TFAP2E: variants seen among roughly 807,000 people sequenced by gnomAD.
TFAP2E encodes transcription factor AP-2-epsilon.
In TFAP2E, 30 loss-of-function variants were observed where a neutral mutation model predicts 37.9. The observed-to-expected ratio is 0.79, with a 90% CI of 0.59 to 1.07. The LOEUF is 1.07. Among genes scored for constraint, TFAP2E ranks in the 50% least tolerant of loss-of-function variants. The pLI, the probability that TFAP2E is intolerant of heterozygous loss-of-function variation, is 0.00. For synonymous variants in TFAP2E, 318 were observed against 295.8 expected (o/e 1.08, Z -0.77); for missense variants, 567 against 637.9 (o/e 0.89, Z 1.20).
rs766272191 is a variant in TFAP2E, at chr1:35,594,505, T to G, written c.1158T>G (p.Phe386Leu). Residue 386 changes from phenylalanine (F) to leucine (L), a missense_variant, in exon 7 of 7, where the codon TTT (phenylalanine) becomes TTG (leucine). By Grantham distance (22) the Phe-to-Leu change is conservative (BLOSUM62 0). Around this residue, in one of 3 missense-constraint regions of TFAP2E, gnomAD observed 252 missense variants for 302.6 expected, o/e 0.83. Coordinates refer to ENST00000373235, the MANE Select transcript of TFAP2E (RefSeq NM_178548.4). The part of the protein sequence containing the change: ...EPGVQSCLTH[F>L]SLITHGFGGP... ...GAGTACAGAGCTGCTTGACACACTT[T>G]AGCCTCATCACCCATGGCTTCGGTG... is the stretch of plus-strand genomic sequence containing the variant. 6.2e-7 allele frequency: 1 copy of G among 1,614,086 alleles called. No homozygotes were observed. Among genetic ancestry groups the G allele is most frequent in the East Asian group, 2.2e-5 (1 of 44,888 alleles).
chr1:35,588,906 C>T lies in TFAP2E; in HGVS notation c.785+354C>T, dbSNP rs1267172696. On this transcript the variant is annotated intron_variant, in intron 4 of 6. Coordinates refer to ENST00000373235, the MANE Select transcript of TFAP2E (RefSeq NM_178548.4). This position sits in a 1 kb window ranked among gnomAD's most constrained non-coding sequence, Gnocchi z 5.1. ...TGAACCCCAGGACCCGAGGCCCATTCTGCGCGGCAGCATAGGCCCTGTGTG... is the reference window on the plus strand; with the variant it reads ...TGAACCCCAGGACCCGAGGCCCATTTTGCGCGGCAGCATAGGCCCTGTGTG... Among the ~76,000 whole-genome samples, 1 of 152,150 alleles carries T rather than the reference C, an allele frequency of 6.6e-6. No individual in the cohort carries two copies. Among genetic ancestry groups the T allele is most frequent in the African/African-American group, 2.4e-5 (1 of 41,428 alleles).
Position 35,590,845 on chromosome 1 carries a change from T to G in TFAP2E, c.1046+70T>G. ...AGACAGACATCATGTATGGGCACAA[T>G]GGACACCACTGTGTACATGAGCAGT... On this transcript the variant is annotated intron_variant, in intron 6 of 6. Transcript: ENST00000373235. This position sits in a 1 kb window ranked among gnomAD's most constrained non-coding sequence, Gnocchi z 6.2. 1 of 1,331,348 alleles carries G rather than the reference T, an allele frequency of 7.5e-7. No homozygotes were observed. The highest frequency in any genetic ancestry group is 2.8e-5 in the East Asian group (1 of 35,834). 82.5% of individuals were successfully genotyped at this position (1,331,348 alleles called of 1,614,324 possible). A position where few individuals can be genotyped will look rare whatever the true frequency, so the allele number is the denominator to read the frequency against.
rs778571806 is a variant in TFAP2E, at chr1:35,589,954, G to C, written c.810G>C (p.Arg270=). 9.4e-5 allele frequency: 151 copies of C among 1,613,976 alleles called. 2 individuals carry two copies. The East Asian group carries it at 3.4e-3, about 36-fold the overall frequency. ...LRRAKSKNGG[R]CLRERLEKIG... ...GGGCCAAGTCCAAAAATGGGGGCCGGTGTTTGCGGGAACGGTTAGAGAAGA... is the reference window on the plus strand; with the variant it reads ...GGGCCAAGTCCAAAAATGGGGGCCGCTGTTTGCGGGAACGGTTAGAGAAGA... The change falls in exon 5 of 7, where the codon CGG becomes CGC. Residue 270 remains arginine (R), a synonymous_variant. Coordinates refer to ENST00000373235, the MANE Select transcript of TFAP2E (RefSeq NM_178548.4).
chr1:35,584,363 A>C (rs575616691), intron 3 of TFAP2E, among the ~76,000 whole-genome samples: 59 of 151,906 alleles, frequency 3.9e-4, no homozygotes, highest in Admixed American at 3.3e-3. Context: ...TCAGTTTCCC[A>C]AAGTGTTGGG....
chr1:35,584,358 T>C (rs1204697154), intron 3 of TFAP2E, among the ~76,000 whole-genome samples: 1 of 152,086 alleles, frequency 6.6e-6, no homozygotes, highest in Non-Finnish European at 1.5e-5. Context: ...CTGCCTCAGT[T>C]TCCCAAAGTG....
chr1:35,591,390 C>T (rs1394392296), intron 6 of TFAP2E, among the ~76,000 whole-genome samples: 1 of 152,178 alleles, frequency 6.6e-6, no homozygotes, highest in Non-Finnish European at 1.5e-5. Flanking sequence ...CTCTTCTAGC[C>T]TTGCCCATCA....
At position 35,575,017 on chromosome 1, in the gene TFAP2E, C is replaced by T. The variant is rs1169429747; in HGVS notation, c.562+17C>T. 1.2e-6 allele frequency: 2 copies of T among 1,613,796 alleles called. No homozygotes were observed. Among genetic ancestry groups the T allele is most frequent in the Non-Finnish European group, 1.7e-6 (2 of 1,179,976 alleles). On this transcript the variant is annotated intron_variant, in intron 3 of 6. Transcript: ENST00000373235. ...TCAAGAAAGGTAAGGAATGGTCTGTCAGGGCAGAGCCCGGCGAGATGGTGC... is the reference window on the plus strand; with the variant it reads ...TCAAGAAAGGTAAGGAATGGTCTGTTAGGGCAGAGCCCGGCGAGATGGTGC...
Position 35,588,495 on chromosome 1 carries a change from G to A in TFAP2E, c.728G>A (p.Arg243Gln), listed in dbSNP as rs777346261. Residue 243 changes from arginine (R) to glutamine (Q), a missense_variant, in exon 4 of 7, where the codon CGG (arginine) becomes CAG (glutamine). Arg to Gln is a conservative substitution (Grantham distance 43, BLOSUM62 1). Transcript: ENST00000373235. The surrounding 1 kb of genome is among the most constrained non-coding windows in gnomAD (Gnocchi z 5.1). ...AAGGTGACGGTGGGGGAGGTGCAGCGGCGACTCTCGCCTCCCGAGTGCCTC... is the reference window on the plus strand; with the variant it reads ...AAGGTGACGGTGGGGGAGGTGCAGCAGCGACTCTCGCCTCCCGAGTGCCTC... ...KYKVTVGEVQ[R>Q]RLSPPECLNA... 18 of 1,607,386 alleles carry A rather than the reference G, an allele frequency of 1.1e-5. No individual in the cohort carries two copies. The highest frequency in any genetic ancestry group is 2.2e-5 in the East Asian group (1 of 44,818).
chr1:35,589,786 A>G (rs2148553202), intron 4 of TFAP2E, 144 bp from the exon 5 acceptor site: 2 of 779,368 alleles, frequency 2.6e-6, no homozygotes, highest in East Asian at 2.7e-5. Flanking sequence ...CCTTGCTGAA[A>G]GAGACCTCAG....
At chr1:35,574,794 TG>T in intron 2 of TFAP2E, 154 bp from the exon 3 acceptor site, 1 of 960,776 alleles carries the variant, frequency 1.0e-6, no homozygotes, top group Non-Finnish European at 1.6e-6. Flanking sequence ...GCTCAGTGCC[TG>T]GACATAGCGA....
chr1:35,577,555 G>C lies in TFAP2E; in HGVS notation c.562+2555G>C. Reference sequence around the variant, plus strand: ...CGTCGGATCCCTACAGTGCCTCCCAGCCTGGGCGGGAGCGGCGGCTGCGTC... The same window carrying C: ...CGTCGGATCCCTACAGTGCCTCCCACCCTGGGCGGGAGCGGCGGCTGCGTC... On this transcript the variant is annotated intron_variant, in intron 3 of 6. Transcript: ENST00000373235. This position sits in a 1 kb window ranked among gnomAD's most constrained non-coding sequence, Gnocchi z 6.3. 1 of 399,936 alleles carries C rather than the reference G, an allele frequency of 2.5e-6. No individual in the cohort carries two copies. The highest frequency in any genetic ancestry group is 5.1e-6 in the Non-Finnish European group (1 of 194,478). The allele number at this position is 399,936 out of a possible 1,614,324, so 24.8% of individuals were successfully genotyped here. A position where few individuals can be genotyped will look rare whatever the true frequency, so the allele number is the denominator to read the frequency against.
In TFAP2E at chr1:35,574,044, G is replaced by T; in HGVS notation, c.145G>T (p.Glu49Ter). The T allele has an allele frequency of 6.7e-7, 1 of 1,485,472 alleles. No individual in the cohort carries two copies. The highest frequency in any genetic ancestry group is 8.9e-7 in the Non-Finnish European group (1 of 1,123,398). The allele number at this position is 1,485,472 out of a possible 1,614,324, so 92.0% of individuals were successfully genotyped here. A position where few individuals can be genotyped will look rare whatever the true frequency, so the allele number is the denominator to read the frequency against. Residue 49 changes from glutamate to a stop codon, truncating the protein, a stop_gained, in exon 2 of 7, where the codon GAA (glutamate) becomes TAA (stop). Transcript: ENST00000373235. LOFTEE classifies it high-confidence loss of function. ...CHTPAATAAA[E>*]FQPPYFPPPY... ...CACGCCGGCCGCCACAGCTGCCGCC[G>T]AATTCCAGCCGCCCTACTTCCCGCC...
chr1:35,586,681 G>T (rs1266890211), intron 3 of TFAP2E, among the ~76,000 whole-genome samples: 1 of 152,072 alleles, frequency 6.6e-6, no homozygotes, highest in African/African-American at 2.4e-5. Flanking sequence ...TGATGGATGG[G>T]GTGTGGTGAT....
In TFAP2E at chr1:35,582,896, T is replaced by C. The variant is rs186029336; in HGVS notation, c.563-5434T>C. Among the ~76,000 whole-genome samples, 15 of 152,010 alleles carry C rather than the reference T, an allele frequency of 9.9e-5. No individual in the cohort carries two copies. In the East Asian group the frequency reaches 2.5e-3, roughly 25 times the overall value. ...TGAAGTCCAGTTTATCATCATTTTC[T>C]TTCTTTCTTTCTTTCTTTTTTTTTT... On this transcript the variant is annotated intron_variant, in intron 3 of 6. Transcript: ENST00000373235.
intron 3 of TFAP2E, among the ~76,000 whole-genome samples, chr1:35,582,878 C>A (rs1649389691): frequency 6.6e-6 from 1 of 151,532 alleles, no homozygotes; most frequent in Non-Finnish European, 1.5e-5. Flanking sequence ...TGATGAAGTC[C>A]AGTTTATCAT....
intron 3 of TFAP2E, among the ~76,000 whole-genome samples, chr1:35,584,762 T>C (rs1649439973): frequency 6.6e-6 from 1 of 152,030 alleles, no homozygotes; most frequent in South Asian, 2.1e-4. Flanking sequence ...GGTCTTGAAC[T>C]CCTGGGCTCA....
Position 35,588,534 on chromosome 1 carries a change from TG to T in TFAP2E, c.773del (p.Gly258ValfsTer19). On this transcript the variant is annotated frameshift_variant, in exon 4 of 7. Coordinates refer to ENST00000373235, the MANE Select transcript of TFAP2E (RefSeq NM_178548.4). LOFTEE classifies it high-confidence loss of function. The surrounding 1 kb of genome is among the most constrained non-coding windows in gnomAD (Gnocchi z 5.1). ...SPPECLNASLLGGVLRRAKSK... is the reference protein window; with the variant it reads ...SPPECLNASLXGGVLRRAKSK... ...CCCGAGTGCCTCAACGCCTCCCTCCTGGGGGGTGTCCTCCGCAGGTAGGAAG... is the reference window on the plus strand; with the variant it reads ...CCCGAGTGCCTCAACGCCTCCCTCCTGGGGGTGTCCTCCGCAGGTAGGAAG... 7.5e-6 allele frequency: 12 copies of T among 1,591,058 alleles called. No homozygotes were observed. Among genetic ancestry groups the T allele is most frequent in the South Asian group, 1.1e-5 (1 of 89,106 alleles).
Position 35,573,780 on chromosome 1 carries a change from C to A in TFAP2E, c.28-147C>A, listed in dbSNP as rs1293896277. On this transcript the variant is annotated intron_variant, in intron 1 of 6. Coordinates refer to ENST00000373235, the MANE Select transcript of TFAP2E (RefSeq NM_178548.4). This position sits in a 1 kb window ranked among gnomAD's most constrained non-coding sequence, Gnocchi z 5.9. ...CGCTGTCCCCAGCCTGAGGCTCCTG[C>A]GCCCGCGGGTGGCTCGGAAATAAAC... 3.7e-6 allele frequency: 5 copies of A among 1,368,174 alleles called. No homozygotes were observed. The Admixed American group carries it at 1.3e-4, about 35-fold the overall frequency. 84.8% of individuals were successfully genotyped at this position (1,368,174 alleles called of 1,614,324 possible).
In TFAP2E at chr1:35,574,394, T is replaced by C; in HGVS notation, c.495T>C (p.Gly165=). Residue 165 remains glycine (G), a synonymous_variant, in exon 2 of 7, where the codon GGT becomes GGC. Transcript: ENST00000373235. ...TTCCGGGGCTGGCGGCGGCCCCCGG[T>C]CTGGAGGACCTGCAGGTGAGACCCG... ...LGLPGLAAAP[G]LEDLQAMDEP... 1 of 1,429,602 alleles carries C rather than the reference T, an allele frequency of 7.0e-7. No homozygotes were observed. 88.6% of individuals were successfully genotyped at this position (1,429,602 alleles called of 1,614,324 possible).
Sources: gnomAD v4.1 joint callset for allele counts (sites outside exome capture counted in the v4.1 genomes callset) on GRCh38, gnomAD v4.1.1 for gene constraint, gnomAD v4.1.1 regional missense constraint, Gnocchi (gnomAD v3.1) non-coding constraint, MANE v1.5 for transcripts, NCBI Gene and HGNC (gene_info 2026-07-23, HGNC 2026-07-21) for gene names.